Variants in ATP8B1 observed in about 807,000 individuals in gnomAD.
The protein encoded by ATP8B1 is ATPase phospholipid transporting 8B1, also known as phospholipid-transporting ATPase IC.
Under a neutral mutation model 149.9 loss-of-function variants are expected in ATP8B1, and 80 were observed. That is an observed-to-expected ratio of 0.53 (90% CI 0.45 to 0.64). ATP8B1 has a LOEUF of 0.64. ATP8B1 is among the 30% of genes least tolerant of loss of function. The pLI, the probability that ATP8B1 is intolerant of heterozygous loss-of-function variation, is 0.00. For synonymous variants in ATP8B1, 536 were observed against 562.8 expected, an observed-to-expected ratio of 0.95 and a Z score of 0.67; for missense variants, 1,247 against 1,552.6, an observed-to-expected ratio of 0.80 and a Z score of 3.31.
rs193115277 is a variant in ATP8B1, at chr18:57,664,119, G to A, written c.2286-1504C>T. ...GCGACATGTAATTTTACTATGTCTC[G>A]ATTCATCCACCATGGGGGTACCATG... On this transcript the variant is annotated intron_variant, in intron 20 of 27. Coordinates refer to ENST00000648908, the MANE Select transcript of ATP8B1 (RefSeq NM_001374385.1). Among the ~76,000 whole-genome samples, 620 of 142,888 alleles carry A rather than the reference G, an allele frequency of 4.3e-3. 4 individuals carry two copies. Among genetic ancestry groups the A allele is most frequent in the South Asian group, 0.02 (88 of 4,512 alleles). 93.7% of individuals were successfully genotyped at this position (142,888 alleles called of 152,430 possible).
chr18:57,680,999 A>G (rs1337639523), intron 15 of ATP8B1, among the ~76,000 whole-genome samples: 1 of 152,164 alleles, frequency 6.6e-6, no homozygotes, highest in African/African-American at 2.4e-5. Flanking sequence ...CCATTTACTC[A>G]ATCAAGCACT....
In ATP8B1 at chr18:57,715,364, A is replaced by C. The variant is rs1654122795; in HGVS notation, c.182-8777T>G. On this transcript the variant is annotated intron_variant, in intron 2 of 27. Coordinates refer to ENST00000648908, the MANE Select transcript of ATP8B1 (RefSeq NM_001374385.1). ...ATAAAAAAGAAAGAAGTACACCTAC[A>C]AGATCTAGAAAATAGACTTAAAAAA... 2.0e-5 allele frequency among the ~76,000 whole-genome samples: 3 copies of C among 152,192 alleles called. No homozygotes were observed. In the South Asian group the frequency reaches 6.2e-4, roughly 32 times the overall value.
intron 1 of ATP8B1, among the ~76,000 whole-genome samples, chr18:57,785,662 T>C (rs981275478): frequency 9.2e-5 from 14 of 152,104 alleles, no homozygotes; most frequent in Non-Finnish European, 1.8e-4. Context: ...CGTGCCACCA[T>C]GCCCAGCTAA....
intron 8 of ATP8B1, 152 bp downstream of exon 8, chr18:57,697,466 C>G: frequency 3.6e-6 from 3 of 830,924 alleles, no homozygotes; most frequent in Non-Finnish European, 4.2e-6. Context: ...CTCCACTTCA[C>G]AGAGGCGCAA....
At chr18:57,735,920 A>C (rs2079847654) in intron 1 of ATP8B1, among the ~76,000 whole-genome samples, 1 of 152,036 alleles carries the variant, frequency 6.6e-6, no homozygotes, top group Non-Finnish European at 1.5e-5. Context: ...TCTAGGTTTT[A>C]AGCCCTGCAT....
intron 1 of ATP8B1, chr18:57,738,038 G>C (rs972523167): frequency 1.3e-5 from 2 of 152,076 alleles, no homozygotes; most frequent in African/African-American, 4.8e-5. Flanking sequence ...TGTCATTTTA[G>C]TGTACCAAAG....
chr18:57,671,356 G>T, intron 17 of ATP8B1, 112 bp downstream of exon 17: 1 of 957,148 alleles, frequency 1.0e-6, no homozygotes, highest in Non-Finnish European at 1.7e-6. Context: ...CCCAACTATT[G>T]CAAAGCAAAG....
Position 57,650,374 on chromosome 18 carries a change from C to G in ATP8B1, c.3524G>C (p.Ser1175Thr). 6.2e-7 allele frequency: 1 copy of G among 1,613,410 alleles called. No homozygotes were observed. Among genetic ancestry groups the G allele is most frequent in the Non-Finnish European group, 8.5e-7 (1 of 1,179,568 alleles). Residue 1175 changes from serine (S) to threonine (T), a missense_variant, in exon 27 of 28, where the codon AGT becomes ACT. Physicochemically the swap from Ser to Thr is moderately conservative, Grantham distance 58. Coordinates refer to ENST00000648908, the MANE Select transcript of ATP8B1 (RefSeq NM_001374385.1). ...GGACTATATTCTTTATACCTTATCA[C>G]TTTCTGATGGCCAGATGGTCATTGA... ...FLSMTIWPSE[S>T]DKIQKHRKRL...
chr18:57,743,557 C>A (rs987956041), intron 1 of ATP8B1, among the ~76,000 whole-genome samples: 1 of 151,938 alleles, frequency 6.6e-6, no homozygotes, highest in African/African-American at 2.4e-5. Flanking sequence ...AGCTGGGCAA[C>A]CTGGGAGTCA....
At chr18:57,732,489 T>A (rs1405048355) in intron 1 of ATP8B1, among the ~76,000 whole-genome samples, 1 of 151,738 alleles carries the variant, frequency 6.6e-6, no homozygotes, top group Admixed American at 6.6e-5. Context: ...GCACATATAA[T>A]AAGTACTGCT....
At chr18:57,747,837 C>T (rs1368249210) in intron 1 of ATP8B1, among the ~76,000 whole-genome samples, 1 of 152,168 alleles carries the variant, frequency 6.6e-6, no homozygotes, top group Non-Finnish European at 1.5e-5. Context: ...TTCAAGTCAG[C>T]TTAGAGTACT....
chr18:57,701,590 A>G (rs886355437), intron 4 of ATP8B1, among the ~76,000 whole-genome samples: 2 of 152,206 alleles, frequency 1.3e-5, no homozygotes, highest in Non-Finnish European at 2.9e-5. Context: ...GAAGTTTTGT[A>G]TTATGATACC....
chr18:57,753,434 G>C (rs2080042275), intron 1 of ATP8B1, among the ~76,000 whole-genome samples: 1 of 152,094 alleles, frequency 6.6e-6, no homozygotes, highest in South Asian at 2.1e-4. Flanking sequence ...TTAAAACAAG[G>C]CAACAACAAC....
At chr18:57,696,298 A>T (rs1231606738) in intron 8 of ATP8B1, among the ~76,000 whole-genome samples, 1 of 152,190 alleles carries the variant, frequency 6.6e-6, no homozygotes, top group African/African-American at 2.4e-5. Context: ...TCACGCATGT[A>T]ATGGCAGCAC....
chr18:57,662,838 T>C lies in ATP8B1; in HGVS notation c.2286-223A>G, dbSNP rs62094223. Among the ~76,000 whole-genome samples, 49,799 of 152,032 alleles carry C rather than the reference T, an allele frequency of 0.33. 8,749 individuals are homozygous for C. Among genetic ancestry groups the C allele is most frequent in the Non-Finnish European group, 0.39 (26,820 of 67,932 alleles). On this transcript the variant is annotated intron_variant, in intron 20 of 27. Coordinates refer to ENST00000648908, the MANE Select transcript of ATP8B1 (RefSeq NM_001374385.1). The stretch of plus-strand genomic sequence containing the variant: ...GCATGATCATGGATCACTGCAGCCT[T>C]GACCTCCCAGCCTCAAGTGATTCTC...
chr18:57,754,348 G>C (rs907432583), intron 1 of ATP8B1, among the ~76,000 whole-genome samples: 1 of 152,018 alleles, frequency 6.6e-6, no homozygotes, highest in African/African-American at 2.4e-5. Context: ...TGAGGCAGGA[G>C]AATTGCTTGA....
chr18:57,684,420 G>A (rs1437154728), intron 14 of ATP8B1, among the ~76,000 whole-genome samples: 4 of 150,884 alleles, frequency 2.7e-5, no homozygotes, highest in Admixed American at 6.6e-5. Context: ...TCTGTCACCC[G>A]GGCTGGAGTG....
chr18:57,793,167 C>T (rs993853656), intron 1 of ATP8B1, among the ~76,000 whole-genome samples: 1 of 152,144 alleles, frequency 6.6e-6, no homozygotes, highest in Non-Finnish European at 1.5e-5. Context: ...TTTTGCGACC[C>T]AGGTTCTGCT....
chr18:57,747,172 G>A (rs571266584), intron 1 of ATP8B1, among the ~76,000 whole-genome samples: 136 of 152,332 alleles, frequency 8.9e-4, no homozygotes, highest in Admixed American at 1.9e-3. Flanking sequence ...AGTGGCCCAG[G>A]CCGGGCGTGG....
Sources: gnomAD v4.1 joint callset for allele counts (sites outside exome capture counted in the v4.1 genomes callset) on GRCh38, gnomAD v4.1.1 for gene constraint, MANE v1.5 for transcripts, NCBI Gene and HGNC (gene_info 2026-07-23, HGNC 2026-07-21) for gene names.